ZSWIM6: variants seen among roughly 807,000 people sequenced by gnomAD.
The protein encoded by ZSWIM6 is zinc finger SWIM-type containing 6.
ZSWIM6 carries 9 observed loss-of-function variants against 113.2 expected under a neutral mutation model. The observed-to-expected ratio is 0.08, with a 90% confidence interval of 0.05 to 0.14. The LOEUF is 0.14. Among genes scored for constraint, ZSWIM6 ranks in the 10% least tolerant of loss-of-function variants. The pLI is 1.00. For missense variants in ZSWIM6, 1,162 were observed against 1,552.2 expected (o/e 0.75, Z 4.22); for synonymous variants, 611 against 606.5 (o/e 1.01, Z -0.11).
At chr5:61,346,987 G>A (rs1053166313) in intron 1 of ZSWIM6, 1 of 152,102 alleles carries the variant, frequency 6.6e-6, no homozygotes, top group African/African-American at 2.4e-5. Context: ...GGTTTTCACT[G>A]TTTTCATTAA....
In ZSWIM6 at chr5:61,332,587, G is replaced by A; in HGVS notation, c.315G>A (p.Val105=). The change falls in exon 1 of 14, where the codon GTG becomes GTA. Residue 105 remains valine, a synonymous_variant. Transcript: ENST00000252744. The part of the protein sequence containing the change: ...EERFERIPEP[V]QRRIVYWSFP... ...GCTTTGAGCGCATCCCGGAGCCGGT[G>A]CAGCGCCGCATAGTCTATTGGTCCT... The A allele has an allele frequency of 7.4e-7, 1 of 1,346,270 alleles. No homozygotes were observed. The allele number at this position is 1,346,270 out of a possible 1,614,324, so 83.4% of individuals were successfully genotyped here. A position where few individuals can be genotyped will look rare whatever the true frequency, so the allele number is the denominator to read the frequency against.
chr5:61,451,853 T>C (rs187666639), intron 1 of ZSWIM6, among the ~76,000 whole-genome samples: 1 of 152,314 alleles, frequency 6.6e-6, no homozygotes, highest in East Asian at 1.9e-4. Flanking sequence ...ATAAATTGTT[T>C]ATTTGTCAGG....
At chr5:61,425,962 G>T (rs184867790) in intron 1 of ZSWIM6, among the ~76,000 whole-genome samples, 251 of 152,258 alleles carry the variant, frequency 1.6e-3, no homozygotes, top group Middle Eastern at 3.4e-3. Context: ...TAAATAACGG[G>T]GAGTGATGTG....
At chr5:61,497,189 C>T (rs1440729336) in intron 4 of ZSWIM6, among the ~76,000 whole-genome samples, 1 of 151,378 alleles carries the variant, frequency 6.6e-6, no homozygotes, top group African/African-American at 2.4e-5. Flanking sequence ...AGCCAAGTAA[C>T]TCTGCTTCTT....
intron 9 of ZSWIM6, 32 bp from the exon 10 acceptor site, chr5:61,535,452 G>A: frequency 6.5e-7 from 1 of 1,545,168 alleles, no homozygotes. Flanking sequence ...CATTTTTTAG[G>A]AACGTAAAAT....
rs142417001 is a variant in ZSWIM6, at chr5:61,456,310, A to G, written c.677-16371A>G. ...ATTAAGTGGGATTTCTTAGTTTTTA[A>G]GATAATATTTTAAGGCTAATACTTC... On this transcript the variant is annotated intron_variant, in intron 1 of 13. Coordinates refer to ENST00000252744, the MANE Select transcript of ZSWIM6 (RefSeq NM_020928.2). 2.8e-3 allele frequency among the ~76,000 whole-genome samples: 434 copies of G among 152,298 alleles called. 5 individuals are homozygous for G. Among genetic ancestry groups the G allele is most frequent in the African/African-American group, 0.01 (420 of 41,546 alleles).
At chr5:61,380,915 A>G (rs1045893729) in intron 1 of ZSWIM6, among the ~76,000 whole-genome samples, 1 of 151,670 alleles carries the variant, frequency 6.6e-6, no homozygotes, top group Non-Finnish European at 1.5e-5. Context: ...CCTGGGCAAC[A>G]TGGCGACACG....
chr5:61,391,646 C>T (rs1745718150), intron 1 of ZSWIM6: 2 of 971,708 alleles, frequency 2.1e-6, no homozygotes, highest in East Asian at 4.8e-5. Flanking sequence ...ACAATGGTCA[C>T]AGCCTCTATC....
chr5:61,415,959 T>G (rs1227803954), intron 1 of ZSWIM6, among the ~76,000 whole-genome samples: 3 of 152,248 alleles, frequency 2.0e-5, no homozygotes, highest in African/African-American at 7.2e-5. Flanking sequence ...GATAAGTTTA[T>G]CAGGGCTTAG....
Position 61,365,547 on chromosome 5 carries a change from T to A in ZSWIM6, c.676+32599T>A, listed in dbSNP as rs567480107. ...TGTTTCCGATTTGACAGCTCTTTTATTTTTGAGGTATCTCAGATATATTTT... is the reference window on the plus strand; with the variant it reads ...TGTTTCCGATTTGACAGCTCTTTTAATTTTGAGGTATCTCAGATATATTTT... On this transcript the variant is annotated intron_variant, in intron 1 of 13. Transcript: ENST00000252744. Among the ~76,000 whole-genome samples, 235 of 152,308 alleles carry A rather than the reference T, an allele frequency of 1.5e-3. 1 individual carries two copies. Among genetic ancestry groups the A allele is most frequent in the African/African-American group, 5.5e-3 (230 of 41,566 alleles).
chr5:61,436,526 T>C (rs1439277946), intron 1 of ZSWIM6, among the ~76,000 whole-genome samples: 2 of 152,200 alleles, frequency 1.3e-5, no homozygotes, highest in African/African-American at 4.8e-5. Context: ...CACTACCAGC[T>C]TTTCTGGTCT....
intron 2 of ZSWIM6, among the ~76,000 whole-genome samples, chr5:61,481,402 G>T (rs1029336284): frequency 2.6e-5 from 4 of 151,768 alleles, no homozygotes; most frequent in Non-Finnish European, 4.4e-5. Flanking sequence ...CACTGGAGAG[G>T]TGTCTGTCTG....
chr5:61,489,077 A>G (rs1404473053), intron 2 of ZSWIM6, among the ~76,000 whole-genome samples: 1 of 151,680 alleles, frequency 6.6e-6, no homozygotes, highest in Non-Finnish European at 1.5e-5. Flanking sequence ...TCTTCCTCTC[A>G]TCTTCTATTC....
intron 3 of ZSWIM6, among the ~76,000 whole-genome samples, chr5:61,491,425 C>T (rs1748173095): frequency 6.6e-6 from 1 of 151,910 alleles, no homozygotes; most frequent in African/African-American, 2.4e-5. Flanking sequence ...GTATATAAAC[C>T]TTGGCAAATT....
chr5:61,353,103 A>T (rs537495188), intron 1 of ZSWIM6, among the ~76,000 whole-genome samples: 1 of 152,146 alleles, frequency 6.6e-6, no homozygotes, highest in Non-Finnish European at 1.5e-5. Flanking sequence ...TCAAGTTAAC[A>T]TAAGTAGCAG....
intron 1 of ZSWIM6, among the ~76,000 whole-genome samples, chr5:61,414,671 CAACAAACATATCCCCA>C (rs1746211515): frequency 6.6e-6 from 1 of 152,116 alleles, no homozygotes. Flanking sequence ...GTTATAAGCC[CAACAAACATATCCCCA>C]AACTGAGGCA....
At chr5:61,333,028 G>T in intron 1 of ZSWIM6, 80 bp downstream of exon 1, 1 of 1,088,880 alleles carries the variant, frequency 9.2e-7, no homozygotes, top group African/African-American at 1.7e-5. Context: ...TTTCTCCTGC[G>T]GACAGCCCCT....
intron 1 of ZSWIM6, among the ~76,000 whole-genome samples, chr5:61,469,845 C>T (rs1344876610): frequency 6.6e-6 from 1 of 152,104 alleles, no homozygotes. Context: ...GTAGCTGGGA[C>T]TACAAATGCC....
chr5:61,464,478 CT>C (rs1747389158), intron 1 of ZSWIM6, among the ~76,000 whole-genome samples: 2 of 152,016 alleles, frequency 1.3e-5, no homozygotes, highest in South Asian at 4.2e-4. Flanking sequence ...GTTTCTTCAC[CT>C]GTAGAAAGGG....
Sources: allele counts gnomAD v4.1 joint callset (sites outside exome capture counted in the v4.1 genomes callset), GRCh38; gene constraint gnomAD v4.1.1; transcripts MANE v1.5; gene names NCBI Gene and HGNC (gene_info 2026-07-23, HGNC 2026-07-21).